PLD1: variants seen among roughly 807,000 people sequenced by gnomAD.
The protein encoded by PLD1 is choline phosphatase 1.
A neutral mutation model predicts 137.1 loss-of-function variants in PLD1; 112 were observed. The observed-to-expected ratio is 0.82, with a 90% CI of 0.70 to 0.96. PLD1 has a LOEUF of 0.96. Among genes scored for constraint, PLD1 ranks in the 40% least tolerant of loss-of-function variants. The pLI is 0.00. For missense variants in PLD1, 1,321 were observed against 1,342.0 expected (o/e 0.98, Z 0.24); for synonymous variants, 431 against 454.7 (o/e 0.95, Z 0.66).
At chr3:171,708,632 T>C (rs1204459411) in intron 11 of PLD1, 123 bp downstream of exon 11, 16 of 588,462 alleles carry the variant, frequency 2.7e-5, no homozygotes, top group Non-Finnish European at 4.9e-5. Flanking sequence ...GTTGAGACCC[T>C]GGCCAAACCA....
intron 1 of PLD1, chr3:171,793,032 C>T: frequency 4.1e-6 from 1 of 246,346 alleles, no homozygotes; most frequent in South Asian, 4.6e-5. Flanking sequence ...CACGTGGGAA[C>T]ACAAACCAGT....
At chr3:171,606,819 C>A (rs1157769944) in intron 25 of PLD1, among the ~76,000 whole-genome samples, 1 of 152,092 alleles carries the variant, frequency 6.6e-6, no homozygotes, top group Non-Finnish European at 1.5e-5. Context: ...AACAGTGTTA[C>A]AATGAACACA....
intron 19 of PLD1, chr3:171,666,112 T>C (rs1304154709): frequency 6.6e-6 from 1 of 152,250 alleles, no homozygotes; most frequent in Non-Finnish European, 1.5e-5. Flanking sequence ...AAAATCAACT[T>C]AACTGCTTTA....
chr3:171,739,080 C>G (rs1472392981), intron 1 of PLD1, among the ~76,000 whole-genome samples: 1 of 152,084 alleles, frequency 6.6e-6, no homozygotes, highest in African/African-American at 2.4e-5. Flanking sequence ...TAAGGCAGGC[C>G]CCTGTGATTA....
chr3:171,680,456 G>A (rs1298358669), intron 16 of PLD1, among the ~76,000 whole-genome samples: 3 of 151,776 alleles, frequency 2.0e-5, no homozygotes, highest in Non-Finnish European at 2.9e-5. Flanking sequence ...GGCTCATCTC[G>A]AACTCCTGAC....
chr3:171,635,771 T>A (rs1735050155), intron 23 of PLD1, among the ~76,000 whole-genome samples: 1 of 151,992 alleles, frequency 6.6e-6, no homozygotes, highest in Admixed American at 6.6e-5. Flanking sequence ...CAAGCTTTCA[T>A]GTTTGATGAA....
chr3:171,617,965 G>C (rs979796451), intron 24 of PLD1, among the ~76,000 whole-genome samples: 12 of 152,018 alleles, frequency 7.9e-5, no homozygotes, highest in African/African-American at 2.9e-4. Context: ...TTTAAACACT[G>C]TTTTCTGTGT....
chr3:171,706,970 A>T lies in PLD1; in HGVS notation c.1145+1785T>A, dbSNP rs548534312. On this transcript the variant is annotated intron_variant, in intron 11 of 26. Transcript: ENST00000351298. The stretch of plus-strand genomic sequence containing the variant: ...AGAAAATGTGGTACATATACACCAC[A>T]GAATACTATGCAGCCATAAAAAAGA... 1.1e-3 allele frequency among the ~76,000 whole-genome samples: 169 copies of T among 152,332 alleles called. 1 individual carries two copies. In the South Asian group the frequency reaches 0.016, roughly 15 times the overall value.
intron 1 of PLD1, among the ~76,000 whole-genome samples, chr3:171,782,799 G>T (rs1368634881): frequency 6.6e-6 from 1 of 152,144 alleles, no homozygotes; most frequent in African/African-American, 2.4e-5. Context: ...AGAATTAAGA[G>T]GAGGTATTTG....
At chr3:171,629,233 C>T (rs1275267278) in intron 23 of PLD1, among the ~76,000 whole-genome samples, 1 of 150,320 alleles carries the variant, frequency 6.7e-6, no homozygotes, top group African/African-American at 2.4e-5. Flanking sequence ...CAAACAGAAA[C>T]CCAAATCATG....
At chr3:171,770,452 G>C (rs776284146) in intron 1 of PLD1, among the ~76,000 whole-genome samples, 1 of 152,220 alleles carries the variant, frequency 6.6e-6, no homozygotes, top group Non-Finnish European at 1.5e-5. Flanking sequence ...GCACGCACCA[G>C]TGGGGTGAGG....
chr3:171,770,417 T>C (rs779420583), intron 1 of PLD1, among the ~76,000 whole-genome samples: 19 of 152,270 alleles, frequency 1.2e-4, no homozygotes, highest in Admixed American at 3.3e-4. Flanking sequence ...GGAGTAGGCC[T>C]GAAGAAAAAC....
intron 1 of PLD1, among the ~76,000 whole-genome samples, chr3:171,804,271 T>C (rs981148376): frequency 6.6e-6 from 1 of 152,220 alleles, no homozygotes; most frequent in Non-Finnish European, 1.5e-5. Flanking sequence ...AAAAGATCAA[T>C]GAAGTGAGTA....
At chr3:171,627,433 A>C (rs1415599541) in intron 23 of PLD1, among the ~76,000 whole-genome samples, 1 of 152,200 alleles carries the variant, frequency 6.6e-6, no homozygotes, top group African/African-American at 2.4e-5. Context: ...ACCCCCTGTC[A>C]ACATTAGACA....
intron 23 of PLD1, among the ~76,000 whole-genome samples, chr3:171,621,749 T>C (rs1260621525): frequency 6.6e-6 from 1 of 152,192 alleles, no homozygotes; most frequent in Non-Finnish European, 1.5e-5. Flanking sequence ...GTTTTTGCAA[T>C]TTATTCCCCC....
At chr3:171,735,776 T>C (rs1578381954) in intron 3 of PLD1, 139 bp from the exon 4 acceptor site, 4 of 600,834 alleles carry the variant, frequency 6.7e-6, no homozygotes, top group South Asian at 6.4e-5. Context: ...CTTAAGTAAA[T>C]TTGTTTCAAA....
chr3:171,782,914 AG>A (rs1305790474), intron 1 of PLD1, among the ~76,000 whole-genome samples: 1 of 152,198 alleles, frequency 6.6e-6, no homozygotes, highest in Admixed American at 6.5e-5. Flanking sequence ...AGTTCTGAAC[AG>A]GCAAGAGCAA....
At chr3:171,783,419 T>C (rs1722871444) in intron 1 of PLD1, among the ~76,000 whole-genome samples, 1 of 151,680 alleles carries the variant, frequency 6.6e-6, no homozygotes, top group Non-Finnish European at 1.5e-5. Context: ...ACCAAGCAGA[T>C]AAGGTGAGTA....
intron 1 of PLD1, among the ~76,000 whole-genome samples, chr3:171,807,726 A>G (rs771575351): frequency 2.6e-5 from 4 of 152,252 alleles, no homozygotes; most frequent in Admixed American, 6.5e-5. Flanking sequence ...TACTGGGTAT[A>G]TATCCAAAAG....
Sources: allele counts gnomAD v4.1 joint callset (sites outside exome capture counted in the v4.1 genomes callset), GRCh38; gene constraint gnomAD v4.1.1; transcripts MANE v1.5; gene names NCBI Gene and HGNC (gene_info 2026-07-23, HGNC 2026-07-21).